SOX5: variants seen among roughly 807,000 people sequenced by gnomAD.
SOX5 encodes the protein transcription factor SOX-5.
In SOX5, 9 loss-of-function variants were observed where a neutral mutation model predicts 92.0. The observed-to-expected ratio is 0.10, with a 90% confidence interval of 0.06 to 0.17. The LOEUF is 0.17. SOX5 is among the 10% of genes least tolerant of loss of function. The pLI is 1.00. For synonymous variants in SOX5, 344 were observed against 336.3 expected, an observed-to-expected ratio of 1.02 and a Z score of -0.25; for missense variants, 642 against 944.5, an observed-to-expected ratio of 0.68 and a Z score of 4.20.
chr12:23,642,021 A>G (rs2080135022), intron 7 of SOX5, among the ~76,000 whole-genome samples: 1 of 152,220 alleles, frequency 6.6e-6, no homozygotes, highest in Admixed American at 6.5e-5. Context: ...GAATTTAATG[A>G]AGCTTAAACT....
chr12:24,021,676 A>C (rs1020433548), intron 4 of SOX5, among the ~76,000 whole-genome samples: 2 of 152,202 alleles, frequency 1.3e-5, no homozygotes, highest in Non-Finnish European at 2.9e-5. Context: ...ACGGTATCTT[A>C]CGATAATGAT....
chr12:24,247,955 G>A (rs1008433291), intron 3 of SOX5, among the ~76,000 whole-genome samples: 1 of 151,992 alleles, frequency 6.6e-6, no homozygotes, highest in African/African-American at 2.4e-5. Flanking sequence ...CACCCAGCCA[G>A]CAATGGTCTC....
At chr12:23,760,304 C>T (rs1045588783) in intron 3 of SOX5, among the ~76,000 whole-genome samples, 1 of 151,926 alleles carries the variant, frequency 6.6e-6, no homozygotes, top group African/African-American at 2.4e-5. Flanking sequence ...GTAAGTAGAA[C>T]AGATGGAATA....
At chr12:23,661,457 C>A (rs1266807901) in intron 7 of SOX5, among the ~76,000 whole-genome samples, 2 of 152,142 alleles carry the variant, frequency 1.3e-5, no homozygotes, top group African/African-American at 2.4e-5. Flanking sequence ...TATCCATCAA[C>A]CACCTTTTCT....
intron 2 of SOX5, among the ~76,000 whole-genome samples, chr12:23,894,463 G>A (rs1386865705): frequency 1.3e-5 from 2 of 152,048 alleles, no homozygotes; most frequent in African/African-American, 4.8e-5. Flanking sequence ...CTGACCTCAA[G>A]TGATCTACTC....
At chr12:24,269,330 G>A (rs1246025375) in intron 3 of SOX5, among the ~76,000 whole-genome samples, 1 of 152,164 alleles carries the variant, frequency 6.6e-6, no homozygotes, top group Non-Finnish European at 1.5e-5. Flanking sequence ...AACTATAAAT[G>A]CAGTGACATT....
At chr12:23,634,092 T>C (rs967427104) in intron 8 of SOX5, among the ~76,000 whole-genome samples, 1 of 152,148 alleles carries the variant, frequency 6.6e-6, no homozygotes, top group African/African-American at 2.4e-5. Context: ...CAATATATGC[T>C]GCTTTTTTTA....
chr12:24,364,117 TGA>T, intron 2 of SOX5, among the ~76,000 whole-genome samples: 1 of 152,220 alleles, frequency 6.6e-6, no homozygotes, highest in Non-Finnish European at 1.5e-5. Context: ...AGTCCTAAAG[TGA>T]AACTCAAAAC....
chr12:23,620,682 A>C (rs1396469673), intron 8 of SOX5, among the ~76,000 whole-genome samples: 1 of 152,110 alleles, frequency 6.6e-6, no homozygotes. Flanking sequence ...TTAAAATAAC[A>C]ATAACACACT....
intron 1 of SOX5, among the ~76,000 whole-genome samples, chr12:23,903,312 G>A (rs1276546950): frequency 1.3e-5 from 2 of 152,208 alleles, no homozygotes; most frequent in Admixed American, 6.5e-5. Flanking sequence ...AGGGCTTGGT[G>A]TGGTTGCTCA....
Position 23,778,744 on chromosome 12 carries a change from GCT to G in SOX5, c.482-23022_482-23021del, listed in dbSNP as rs536312077. Among the ~76,000 whole-genome samples, 60 of 152,236 alleles carry G rather than the reference GCT, an allele frequency of 3.9e-4. 1 individual carries two copies. The highest frequency in any genetic ancestry group is 1.4e-3 in the African/African-American group (58 of 41,550). The stretch of plus-strand genomic sequence containing the variant: ...TGTGTTGCAGGCCCTTTTACCTAGA[GCT>G]CTGGATACTTGAAGAGAAAAAATGA... On this transcript the variant is annotated intron_variant, in intron 3 of 14. Transcript: ENST00000451604.
chr12:23,560,161 G>A (rs754942960), intron 11 of SOX5, among the ~76,000 whole-genome samples: 2 of 152,028 alleles, frequency 1.3e-5, no homozygotes, highest in African/African-American at 2.4e-5. Context: ...CCCCCGCCTC[G>A]GCCTCCCAAA....
chr12:24,080,251 A>G (rs1943161831), intron 4 of SOX5, among the ~76,000 whole-genome samples: 2 of 152,022 alleles, frequency 1.3e-5, no homozygotes, highest in Non-Finnish European at 2.9e-5. Context: ...ATTAATAACT[A>G]CATGACACAA....
At chr12:23,633,844 T>C (rs946114103) in intron 8 of SOX5, among the ~76,000 whole-genome samples, 1 of 152,140 alleles carries the variant, frequency 6.6e-6, no homozygotes, top group Non-Finnish European at 1.5e-5. Flanking sequence ...TTCTCAAGTA[T>C]TGTAACATTT....
At chr12:24,003,605 A>T (rs1951840243) in intron 4 of SOX5, among the ~76,000 whole-genome samples, 1 of 152,106 alleles carries the variant, frequency 6.6e-6, no homozygotes, top group Non-Finnish European at 1.5e-5. Context: ...AAGTCGTACA[A>T]GACTTGTATG....
chr12:24,135,063 A>G (rs971351660), intron 4 of SOX5, among the ~76,000 whole-genome samples: 1 of 152,102 alleles, frequency 6.6e-6, no homozygotes, highest in Admixed American at 6.6e-5. Context: ...AACAGAAAAC[A>G]CTGTTTCTCC....
At position 23,819,790 on chromosome 12, in the gene SOX5, A is replaced by C. The variant is rs998052164; in HGVS notation, c.481+26193T>G. 2.6e-5 allele frequency among the ~76,000 whole-genome samples: 4 copies of C among 152,136 alleles called. 1 individual carries two copies. The highest frequency in any genetic ancestry group is 9.7e-5 in the African/African-American group (4 of 41,434). ...CTTTTTTACGGCTGCATACCATTTCATGGTGTATATGTGCCACATTTTTTT... is the reference window on the plus strand; with the variant it reads ...CTTTTTTACGGCTGCATACCATTTCCTGGTGTATATGTGCCACATTTTTTT... On this transcript the variant is annotated intron_variant, in intron 3 of 14. Coordinates refer to ENST00000451604, the MANE Select transcript of SOX5 (RefSeq NM_006940.6).
intron 1 of SOX5, among the ~76,000 whole-genome samples, chr12:23,914,325 T>C (rs2097387664): frequency 6.6e-6 from 1 of 152,190 alleles, no homozygotes; most frequent in Non-Finnish European, 1.5e-5. Context: ...TATACCATGA[T>C]ATATTCCATG....
In SOX5 at chr12:23,942,635, C is replaced by T. The variant is rs75127890; in HGVS notation, c.38+6929G>A. Among the ~76,000 whole-genome samples the T allele has an allele frequency of 7.6e-3, 1,086 of 143,402 alleles. 7 individuals carry two copies. The highest frequency in any genetic ancestry group is 0.033 in the Middle Eastern group (9 of 274). 94.1% of individuals were successfully genotyped at this position (143,402 alleles called of 152,430 possible). A position where few individuals can be genotyped will look rare whatever the true frequency, so the allele number is the denominator to read the frequency against. ...TCTAACTCCCTTAAACTGCCAATATCAAAATCATATAAGGCTCTGAGGCTT... is the reference window on the plus strand; with the variant it reads ...TCTAACTCCCTTAAACTGCCAATATTAAAATCATATAAGGCTCTGAGGCTT... On this transcript the variant is annotated intron_variant, in intron 1 of 14. Coordinates refer to ENST00000451604, the MANE Select transcript of SOX5 (RefSeq NM_006940.6).
Sources: gnomAD v4.1 joint callset for allele counts (sites outside exome capture counted in the v4.1 genomes callset) on GRCh38, gnomAD v4.1.1 for gene constraint, MANE v1.5 for transcripts, NCBI Gene and HGNC (gene_info 2026-07-23, HGNC 2026-07-21) for gene names.